The following CACNA2D1 variants were observed in gnomAD, a reference collection of about 807,000 sequenced individuals.
The protein encoded by CACNA2D1 is voltage-dependent calcium channel subunit alpha-2/delta-1.
A neutral mutation model predicts 171.5 loss-of-function variants in CACNA2D1; 53 were observed. That is an observed-to-expected ratio of 0.31 (90% CI 0.25 to 0.39). CACNA2D1 has a LOEUF of 0.39. Ranked by LOEUF, CACNA2D1 falls within the 10% of genes least tolerant of loss-of-function variation. The probability of loss-of-function intolerance (pLI) is 1.00; values close to 1 mark genes in which losing one functional copy is unlikely to be tolerated. For synonymous variants in CACNA2D1, 442 were observed against 443.1 expected, an observed-to-expected ratio of 1.00 and a Z score of 0.03; for missense variants, 903 against 1,299.8, an observed-to-expected ratio of 0.69 and a Z score of 4.69.
intron 3 of CACNA2D1, among the ~76,000 whole-genome samples, chr7:82,325,762 C>T (rs980046512): frequency 2.6e-5 from 4 of 152,112 alleles, no homozygotes; most frequent in Non-Finnish European, 5.9e-5. Flanking sequence ...CAAGGGAACA[C>T]CAAGTATTTT....
At chr7:82,345,066 T>C (rs1006950206) in intron 2 of CACNA2D1, among the ~76,000 whole-genome samples, 2 of 152,140 alleles carry the variant, frequency 1.3e-5, no homozygotes, top group Non-Finnish European at 2.9e-5. Flanking sequence ...TTGTGCTCTG[T>C]TTTTGAGTAT....
intron 1 of CACNA2D1, among the ~76,000 whole-genome samples, chr7:82,380,948 G>T (rs2129449314): frequency 6.6e-6 from 1 of 152,036 alleles, no homozygotes; most frequent in Non-Finnish European, 1.5e-5. Context: ...GCCTGCCTTG[G>T]CCTCCCAAAG....
chr7:81,951,396 T>C (rs979947539), intron 38 of CACNA2D1, among the ~76,000 whole-genome samples: 1 of 152,060 alleles, frequency 6.6e-6, no homozygotes, highest in African/African-American at 2.4e-5. Flanking sequence ...GTGGTTTTGG[T>C]TACATGGATA....
At position 82,007,524 on chromosome 7, in the gene CACNA2D1, G is replaced by C. The variant is rs925765354; in HGVS notation, c.1440+155C>G. The C allele has an allele frequency of 2.6e-5, 15 of 586,732 alleles. No individual in the cohort carries two copies. The Admixed American group carries it at 2.9e-4, about 11-fold the overall frequency. The allele number at this position is 586,732 out of a possible 1,614,324, so 36.3% of individuals were successfully genotyped here. ...TTTGACCTGCATTTCCTTTTTCCCAGGTGGTTATCGCATAGGCAGCTGTTG... is the reference window on the plus strand; with the variant it reads ...TTTGACCTGCATTTCCTTTTTCCCACGTGGTTATCGCATAGGCAGCTGTTG... On this transcript the variant is annotated intron_variant, in intron 16 of 38. Transcript: ENST00000356860.
At chr7:82,334,812 AATT>A (rs916040702) in intron 3 of CACNA2D1, among the ~76,000 whole-genome samples, 24 of 152,102 alleles carry the variant, frequency 1.6e-4, no homozygotes, top group African/African-American at 5.8e-4. Context: ...AAACATGTTC[AATT>A]ATTATTATGT....
chr7:82,022,222 A>AAC (rs71520795), intron 12 of CACNA2D1, among the ~76,000 whole-genome samples: 11,799 of 145,740 alleles, frequency 0.081, 515 homozygotes, highest in African/African-American at 0.14. Flanking sequence ...CAGAGACAAG[A>AAC]ACACACACAC....
intron 4 of CACNA2D1, among the ~76,000 whole-genome samples, chr7:82,138,136 A>G (rs1791894560): frequency 1.3e-5 from 2 of 152,184 alleles, no homozygotes; most frequent in Non-Finnish European, 1.5e-5. Context: ...AGAGGAAAAT[A>G]CATTGTGTTT....
At chr7:82,442,840 C>T (rs1216726671) in intron 1 of CACNA2D1, among the ~76,000 whole-genome samples, 2 of 152,316 alleles carry the variant, frequency 1.3e-5, no homozygotes, top group Non-Finnish European at 2.9e-5. Context: ...AATCGGAAGG[C>T]TGTCAAGTGC....
chr7:82,263,847 G>T (rs1443524732), intron 3 of CACNA2D1, among the ~76,000 whole-genome samples: 2 of 152,114 alleles, frequency 1.3e-5, no homozygotes, highest in South Asian at 2.1e-4. Flanking sequence ...TTAGAGAGAA[G>T]ATTACCCCAA....
intron 3 of CACNA2D1, among the ~76,000 whole-genome samples, chr7:82,211,931 T>A (rs1001011342): frequency 1.3e-5 from 2 of 152,206 alleles, no homozygotes; most frequent in Non-Finnish European, 2.9e-5. Context: ...CCATTCTGAC[T>A]GGTATGAGAG....
chr7:82,185,361 C>T (rs540198927), intron 3 of CACNA2D1, among the ~76,000 whole-genome samples: 2 of 149,338 alleles, frequency 1.3e-5, no homozygotes, highest in African/African-American at 5.0e-5. Flanking sequence ...GGCTGTGTGG[C>T]AGAAAGCTAT....
chr7:82,310,874 C>T (rs1814371197), intron 3 of CACNA2D1, among the ~76,000 whole-genome samples: 1 of 152,096 alleles, frequency 6.6e-6, no homozygotes, highest in Non-Finnish European at 1.5e-5. Context: ...GTTTAATAGG[C>T]TTCACAGAAT....
chr7:81,971,508 C>T (rs1486345222), intron 26 of CACNA2D1, among the ~76,000 whole-genome samples: 1 of 151,546 alleles, frequency 6.6e-6, no homozygotes, highest in South Asian at 2.1e-4. Flanking sequence ...TACTTTAGCA[C>T]AAACAGAAAC....
intron 10 of CACNA2D1, among the ~76,000 whole-genome samples, chr7:82,060,190 T>TATATATATAA (rs1491114373): frequency 0.017 from 228 of 13,138 alleles, 40 homozygotes; most frequent in Admixed American, 0.045. Context: ...TATATATATA[T>TATATATATAA]TATATATATA....
At chr7:81,984,793 G>A in intron 21 of CACNA2D1, 82 bp from the exon 22 acceptor site, 1 of 784,340 alleles carries the variant, frequency 1.3e-6, no homozygotes, top group East Asian at 2.7e-5. Context: ...CAAGTTCATG[G>A]GAAAATCGAA....
At chr7:82,202,927 G>C (rs1285417958) in intron 3 of CACNA2D1, among the ~76,000 whole-genome samples, 2 of 152,118 alleles carry the variant, frequency 1.3e-5, no homozygotes, top group Non-Finnish European at 2.9e-5. Context: ...GGTTGACAGA[G>C]AGAAAATAAA....
chr7:82,234,332 T>C (rs1022701239), intron 3 of CACNA2D1, among the ~76,000 whole-genome samples: 1 of 152,144 alleles, frequency 6.6e-6, no homozygotes, highest in Non-Finnish European at 1.5e-5. Context: ...TATTTATAAT[T>C]AAGATTCAAC....
intron 3 of CACNA2D1, among the ~76,000 whole-genome samples, chr7:82,264,486 T>C (rs1486656850): frequency 6.6e-6 from 1 of 152,218 alleles, no homozygotes; most frequent in Non-Finnish European, 1.5e-5. Flanking sequence ...ATAGTGAAGG[T>C]ATTGTTTATT....
chr7:82,436,470 T>C (rs758266790), intron 1 of CACNA2D1, among the ~76,000 whole-genome samples: 4 of 152,210 alleles, frequency 2.6e-5, no homozygotes, highest in Admixed American at 6.5e-5. Context: ...TAAGTACTTA[T>C]GTTCTGAGAT....
Sources: allele counts gnomAD v4.1 joint callset (sites outside exome capture counted in the v4.1 genomes callset), GRCh38; gene constraint gnomAD v4.1.1; transcripts MANE v1.5; gene names NCBI Gene and HGNC (gene_info 2026-07-23, HGNC 2026-07-21).